The following RANBP17 variants were observed in gnomAD, a reference collection of about 807,000 sequenced individuals.
The protein encoded by RANBP17 is RAN binding protein 17.
A neutral mutation model predicts 141.2 loss-of-function variants in RANBP17; 158 were observed. That is an observed-to-expected ratio of 1.12 (90% CI 0.98 to 1.28). The LOEUF is 1.28. RANBP17 is among the 50% of genes most tolerant of loss of function. The probability of loss-of-function intolerance (pLI) is 0.00; values close to 1 mark genes in which losing one functional copy is unlikely to be tolerated. For synonymous variants in RANBP17, 430 were observed against 450.0 expected (o/e 0.96, Z 0.56); for missense variants, 1,438 against 1,290.7 (o/e 1.11, Z -1.75).
intron 14 of RANBP17, among the ~76,000 whole-genome samples, chr5:170,998,673 T>C (rs1271700909): frequency 1.3e-5 from 2 of 152,178 alleles, no homozygotes; most frequent in African/African-American, 4.8e-5. Flanking sequence ...CTGTGCTTTA[T>C]TGTGTCTTGG....
chr5:170,949,724 T>C lies in RANBP17; in HGVS notation c.1469-3873T>C, dbSNP rs372767632. Reference sequence around the variant, plus strand: ...AACTCAGCAATTCCACTTCTAAGTATACTCAAGAGAAATGAAAACATACAT... The same window carrying C: ...AACTCAGCAATTCCACTTCTAAGTACACTCAAGAGAAATGAAAACATACAT... On this transcript the variant is annotated intron_variant, in intron 12 of 27. Coordinates refer to ENST00000523189, the MANE Select transcript of RANBP17 (RefSeq NM_022897.5). 3.9e-4 allele frequency among the ~76,000 whole-genome samples: 60 copies of C among 152,268 alleles called. 1 individual carries two copies. In the South Asian group the frequency reaches 0.012, roughly 31 times the overall value.
At chr5:170,986,459 C>T (rs1672743843) in intron 14 of RANBP17, among the ~76,000 whole-genome samples, 1 of 151,758 alleles carries the variant, frequency 6.6e-6, no homozygotes, top group Admixed American at 6.6e-5. Context: ...TGGAATGCTC[C>T]TAACACAAAT....
At chr5:171,090,144 G>A (rs2127726549) in intron 14 of RANBP17, among the ~76,000 whole-genome samples, 1 of 152,284 alleles carries the variant, frequency 6.6e-6, no homozygotes, top group Non-Finnish European at 1.5e-5. Context: ...AGGAAAATGT[G>A]GAAGAGTTTG....
chr5:171,174,377 G>T (rs1032618489), intron 16 of RANBP17, among the ~76,000 whole-genome samples: 1 of 152,066 alleles, frequency 6.6e-6, no homozygotes, highest in Non-Finnish European at 1.5e-5. Flanking sequence ...AGAAATTTTA[G>T]TTTCTGTCTA....
chr5:171,288,092 C>T (rs1262142095), intron 25 of RANBP17, among the ~76,000 whole-genome samples: 2 of 152,088 alleles, frequency 1.3e-5, no homozygotes, highest in Non-Finnish European at 2.9e-5. Context: ...GGAGGAAAGT[C>T]ATTATTTTTA....
intron 15 of RANBP17, 135 bp downstream of exon 15, chr5:171,170,338 A>G (rs1029041181): frequency 4.5e-6 from 2 of 444,082 alleles, no homozygotes; most frequent in African/African-American, 4.1e-5. Context: ...TTAGAATGTT[A>G]GCATTGTTCT....
intron 14 of RANBP17, among the ~76,000 whole-genome samples, chr5:171,000,913 G>A (rs186855824): frequency 7.1e-4 from 108 of 152,234 alleles, no homozygotes; most frequent in Middle Eastern, 3.4e-3. Flanking sequence ...AATCAGTGGT[G>A]GAATGTCATC....
chr5:171,265,346 C>A (rs185744990), intron 24 of RANBP17, among the ~76,000 whole-genome samples: 52 of 152,248 alleles, frequency 3.4e-4, no homozygotes, highest in Admixed American at 2.7e-3. Flanking sequence ...ATCAGCCTGA[C>A]CAACATGGAG....
intron 12 of RANBP17, among the ~76,000 whole-genome samples, chr5:170,943,944 A>G (rs1439705497): frequency 6.6e-6 from 1 of 152,178 alleles, no homozygotes; most frequent in Non-Finnish European, 1.5e-5. Context: ...CTCATGCTGT[A>G]CATTAGTAGA....
intron 14 of RANBP17, among the ~76,000 whole-genome samples, chr5:171,072,992 A>G (rs1273510950): frequency 1.3e-5 from 2 of 152,074 alleles, no homozygotes; most frequent in Non-Finnish European, 2.9e-5. Flanking sequence ...TTCCATTTAC[A>G]TGACATACCG....
chr5:171,003,404 A>G (rs1779362384), intron 14 of RANBP17, among the ~76,000 whole-genome samples: 1 of 152,216 alleles, frequency 6.6e-6, no homozygotes, highest in Non-Finnish European at 1.5e-5. Context: ...ATCCAAAGGC[A>G]AAAGTATCCA....
chr5:170,894,486 T>TATATATATATATATATATATATATA lies in RANBP17; in HGVS notation c.424-1564_424-1563insATATATATATATATATATATATATA, dbSNP rs376342999. ...CCATAGAATAGTTAGTACGTGTTTT[T>TATATATATATATATATATATATATA]TATATATATATATATATATATGGCT... On this transcript the variant is annotated intron_variant, in intron 4 of 27. Coordinates refer to ENST00000523189, the MANE Select transcript of RANBP17 (RefSeq NM_022897.5). Among the ~76,000 whole-genome samples, 200 of 133,256 alleles carry TATATATATATATATATATATATATA rather than the reference T, an allele frequency of 1.5e-3. 12 individuals carry two copies. Among genetic ancestry groups the TATATATATATATATATATATATATA allele is most frequent in the Middle Eastern group, 8.0e-3 (2 of 250 alleles). 87.4% of individuals were successfully genotyped at this position (133,256 alleles called of 152,430 possible).
At chr5:170,865,003 CT>C (rs1767122176) in intron 1 of RANBP17, among the ~76,000 whole-genome samples, 1 of 152,106 alleles carries the variant, frequency 6.6e-6, no homozygotes, top group Non-Finnish European at 1.5e-5. Context: ...CCCATCTTTT[CT>C]ATCTTCATTC....
intron 14 of RANBP17, among the ~76,000 whole-genome samples, chr5:171,051,699 A>AT (rs1255953166): frequency 6.6e-6 from 1 of 152,054 alleles, no homozygotes; most frequent in African/African-American, 2.4e-5. Flanking sequence ...TGCTGTAAAC[A>AT]TTTTTTTACA....
chr5:171,211,693 T>G (rs1762904354), intron 20 of RANBP17, among the ~76,000 whole-genome samples: 1 of 148,922 alleles, frequency 6.7e-6, no homozygotes, highest in African/African-American at 2.5e-5. Flanking sequence ...TGTTATAGAA[T>G]AGGACTTCAG....
chr5:170,921,969 A>G (rs141798209), intron 11 of RANBP17, among the ~76,000 whole-genome samples: 1 of 152,202 alleles, frequency 6.6e-6, no homozygotes, highest in African/African-American at 2.4e-5. Context: ...TTATGGTTTT[A>G]TCTACCTTTG....
At chr5:170,887,323 G>A (rs555726779) in intron 3 of RANBP17, among the ~76,000 whole-genome samples, 40 of 152,042 alleles carry the variant, frequency 2.6e-4, no homozygotes, top group Admixed American at 1.3e-3. Context: ...TCTTTCTTTC[G>A]TGGATTATGC....
At chr5:170,926,894 T>C (rs1404891231) in intron 12 of RANBP17, among the ~76,000 whole-genome samples, 1 of 152,170 alleles carries the variant, frequency 6.6e-6, no homozygotes, top group Non-Finnish European at 1.5e-5. Flanking sequence ...ACTGCTCTAC[T>C]TCTTGCTTGT....
chr5:171,003,997 A>G (rs1779407355), intron 14 of RANBP17, among the ~76,000 whole-genome samples: 1 of 152,248 alleles, frequency 6.6e-6, no homozygotes, highest in African/African-American at 2.4e-5. Flanking sequence ...ATATTGAACT[A>G]ACCTGTAAGA....
Sources: allele counts gnomAD v4.1 joint callset (sites outside exome capture counted in the v4.1 genomes callset), GRCh38; gene constraint gnomAD v4.1.1; transcripts MANE v1.5; gene names NCBI Gene and HGNC (gene_info 2026-07-23, HGNC 2026-07-21).